Variants in ZNF74 observed in about 807,000 individuals in gnomAD.
ZNF74 encodes the protein zinc finger protein 74.
In ZNF74, 12 loss-of-function variants were observed where a neutral mutation model predicts 17.7. The ratio of observed to expected loss-of-function variants is 0.68; its 90% confidence interval spans 0.43 to 1.10. ZNF74 has a LOEUF of 1.10. Among genes scored for constraint, ZNF74 ranks in the 50% least tolerant of loss-of-function variants. The pLI is 0.00. For missense variants in ZNF74, 811 were observed against 881.0 expected (o/e 0.92, Z 1.01); for synonymous variants, 358 against 362.1 (o/e 0.99, Z 0.13).
chr22:20,406,161 A>C lies in ZNF74; in HGVS notation c.1128A>C (p.Thr376=), dbSNP rs2146102865. ...CCTTCAACCAGCGTACACACCTCAC[A>C]CGCCACCACCGCATCCACACGGGCG... ...GKAFNQRTHL[T]RHHRIHTGEK... Residue 376 remains threonine (T), a synonymous_variant, in exon 5 of 5, where the codon ACA becomes ACC. Transcript: ENST00000400451. The C allele has an allele frequency of 6.3e-7, 1 of 1,587,716 alleles. No homozygotes were observed. The highest frequency in any genetic ancestry group is 8.5e-7 in the Non-Finnish European group (1 of 1,170,360).
rs373644755 is a variant in ZNF74, at chr22:20,401,405, C to G, written c.343+33C>G. The G allele has an allele frequency of 5.0e-6, 7 of 1,406,242 alleles. No homozygotes were observed. The highest frequency in any genetic ancestry group is 6.9e-6 in the Non-Finnish European group (7 of 1,009,020). The allele number at this position is 1,406,242 out of a possible 1,614,324, so 87.1% of individuals were successfully genotyped here. ...GAGGCACAGGTGGAAGGGTGCCAGC[C>G]CCAGCACCCCTGGTGGCACCTCCTC... On this transcript the variant is annotated intron_variant, in intron 4 of 4. Coordinates refer to ENST00000400451, the MANE Select transcript of ZNF74 (RefSeq NM_003426.4). The surrounding 1 kb of genome is among the most constrained non-coding windows in gnomAD (Gnocchi z 4.2).
In ZNF74 at chr22:20,401,293, G is replaced by A. The variant is rs2052354358; in HGVS notation, c.264G>A (p.Lys88=). ...CACGAGCAGGACCTCCACTGCACAAGCCAGATGTGATCTCTCATCTGGAAC... is the reference window on the plus strand; with the variant it reads ...CACGAGCAGGACCTCCACTGCACAAACCAGATGTGATCTCTCATCTGGAAC... The part of the protein sequence containing the change: ...NLLALGPPLH[K]PDVISHLERG... The change falls in exon 4 of 5, where the codon AAG becomes AAA. Residue 88 remains lysine (K), a synonymous_variant. Transcript: ENST00000400451. This position sits in a 1 kb window ranked among gnomAD's most constrained non-coding sequence, Gnocchi z 4.2. 1.9e-6 allele frequency: 3 copies of A among 1,611,260 alleles called. No homozygotes were observed. The highest frequency in any genetic ancestry group is 4.5e-5 in the East Asian group (2 of 44,796).
intron 4 of ZNF74, among the ~76,000 whole-genome samples, chr22:20,402,578 G>T (rs1465421590): frequency 6.6e-6 from 1 of 152,068 alleles, no homozygotes; most frequent in Non-Finnish European, 1.5e-5. Flanking sequence ...GAGGCAGGCA[G>T]ATCACCTGAG....
chr22:20,394,561 A>G lies in ZNF74; in HGVS notation c.-68A>G, dbSNP rs1056106660. 1.3e-6 allele frequency: 2 copies of G among 1,567,488 alleles called. No individual in the cohort carries two copies. The highest frequency in any genetic ancestry group is 1.8e-6 in the Non-Finnish European group (2 of 1,138,434). On this transcript the variant is annotated 5_prime_UTR_variant, in exon 1 of 5. Coordinates refer to ENST00000400451, the MANE Select transcript of ZNF74 (RefSeq NM_003426.4). ...GCCCCAGGAGCAGTACTCGCTCTTC[A>G]GGGCCTGCCCTGGATCCTGGAGGCT...
rs926537241 is a variant in ZNF74 at position 20,407,364 on chromosome 22, C to A, written c.*396C>A. ...TTGAGCCCAGGAGTCTAGGACCAGC[C>A]TGGACAACATGGTGAGACCTCGTCT... is the stretch of plus-strand genomic sequence containing the variant. On this transcript the variant is annotated 3_prime_UTR_variant, in exon 5 of 5. Transcript: ENST00000400451. The A allele has an allele frequency of 4.8e-5, 9 of 189,150 alleles. No homozygotes were observed. Among genetic ancestry groups the A allele is most frequent in the African/African-American group, 1.7e-4 (7 of 42,350 alleles). The allele number at this position is 189,150 out of a possible 1,614,324, so 11.7% of individuals were successfully genotyped here. A position where few individuals can be genotyped will look rare whatever the true frequency, so the allele number is the denominator to read the frequency against.
At position 20,405,562 on chromosome 22, in the gene ZNF74, G is replaced by C; in HGVS notation, c.529G>C (p.Glu177Gln). The C allele has an allele frequency of 1.2e-6, 2 of 1,610,322 alleles. No homozygotes were observed. The highest frequency in any genetic ancestry group is 1.1e-5 in the South Asian group (1 of 90,738). The change falls in exon 5 of 5, where the codon GAG becomes CAG. Residue 177 changes from glutamate to glutamine, a missense_variant. Glu to Gln is a conservative substitution (Grantham distance 29). This residue lies in a region of ZNF74 where 666 missense variants were observed against 702.3 expected (regional missense o/e 0.95). Transcript: ENST00000400451. ...TGCCATGGTCTGGGACGTCCCTGTA[G>C]AGGAATTCCCCCTCAGGTGTCCCCT... ...APAMVWDVPV[E>Q]EFPLRCPLFA...
At position 20,405,664 on chromosome 22, in the gene ZNF74, A is replaced by G. The variant is rs1406800092; in HGVS notation, c.631A>G (p.Thr211Ala). 6.2e-7 allele frequency: 1 copy of G among 1,611,996 alleles called. No homozygotes were observed. The highest frequency in any genetic ancestry group is 1.7e-5 in the Admixed American group (1 of 59,780). ...RKNVQATEGR[T>A]KAPARLCAGE... is the part of the protein sequence containing the mutation. The stretch of plus-strand genomic sequence containing the variant: ...GAACGTCCAGGCCACTGAGGGCAGA[A>G]CCAAGGCCCCCGCGAGACTGTGTGC... The change falls in exon 5 of 5, where the codon ACC becomes GCC. Residue 211 changes from threonine to alanine, a missense_variant. Physicochemically the swap from Thr to Ala is moderately conservative, Grantham distance 58. Around this residue, in one of 3 missense-constraint regions of ZNF74, gnomAD observed 666 missense variants for 702.3 expected, o/e 0.95. Coordinates refer to ENST00000400451, the MANE Select transcript of ZNF74 (RefSeq NM_003426.4).
chr22:20,401,225 A>C lies in ZNF74; in HGVS notation c.248-52A>C, dbSNP rs2052353168. On this transcript the variant is annotated intron_variant, in intron 3 of 4. Transcript: ENST00000400451. The surrounding 1 kb of genome is among the most constrained non-coding windows in gnomAD (Gnocchi z 4.2). ...TGTTAGGGGGCGGCCTGTAAGGTCG[A>C]CTGGGCCTGGAGAGCTGCAGCATGC... is the stretch of plus-strand genomic sequence containing the variant. 2 of 1,314,002 alleles carry C rather than the reference A, an allele frequency of 1.5e-6. No homozygotes were observed. The highest frequency in any genetic ancestry group is 4.9e-5 in the East Asian group (2 of 41,172). The allele number at this position is 1,314,002 out of a possible 1,614,324, so 81.4% of individuals were successfully genotyped here. A position where few individuals can be genotyped will look rare whatever the true frequency, so the allele number is the denominator to read the frequency against.
intron 1 of ZNF74, 114 bp downstream of exon 1, chr22:20,394,776 T>TTA: frequency 4.0e-6 from 4 of 1,003,636 alleles, no homozygotes; most frequent in Non-Finnish European, 4.5e-6. Flanking sequence ...TTTTTTTTTT[T>TTA]AAATGGAATC....
chr22:20,397,317 T>C (rs1427490470), intron 2 of ZNF74, among the ~76,000 whole-genome samples: 2 of 152,124 alleles, frequency 1.3e-5, no homozygotes, highest in Non-Finnish European at 2.9e-5. Context: ...CAGTTAGGGG[T>C]GTGTTCTCAG....
At position 20,406,371 on chromosome 22, in the gene ZNF74, C is replaced by T. The variant is rs1052301418; in HGVS notation, c.1338C>T (p.Cys446=). The T allele has an allele frequency of 1.4e-5, 22 of 1,613,444 alleles. No individual in the cohort carries two copies. The highest frequency in any genetic ancestry group is 3.3e-5 in the South Asian group (3 of 91,068). ...ACACGGGCGAGAAGCCCTTCAAGTG[C>T]GCCGACTGCGGGAAGGGCTTCAGCT... ...RTHTGEKPFK[C]ADCGKGFSCH... is the part of the protein sequence containing the mutation. Residue 446 remains cysteine, a synonymous_variant, in exon 5 of 5, where the codon TGC becomes TGT. Coordinates refer to ENST00000400451, the MANE Select transcript of ZNF74 (RefSeq NM_003426.4).
Position 20,406,080 on chromosome 22 carries a change from G to A in ZNF74, c.1047G>A (p.Met349Ile). The A allele has an allele frequency of 1.2e-6, 2 of 1,612,760 alleles. No homozygotes were observed. The highest frequency in any genetic ancestry group is 1.7e-6 in the Non-Finnish European group (2 of 1,179,648). ...KAFSCSSLLS[M>I]HLRVHTGEKP... ...TCAGCTGCAGCTCGCTGCTCAGCAT[G>A]CACCTGCGGGTGCACACCGGCGAGA... Residue 349 changes from methionine to isoleucine, a missense_variant, in exon 5 of 5, where the codon ATG becomes ATA. This residue lies in a region of ZNF74 where 666 missense variants were observed against 702.3 expected (regional missense o/e 0.95). Transcript: ENST00000400451.
At chr22:20,400,848 T>TG in intron 3 of ZNF74, 90 bp downstream of exon 3, 4 of 1,451,966 alleles carry the variant, frequency 2.8e-6, no homozygotes, top group Non-Finnish European at 3.8e-6. Context: ...GTGCCGGCCC[T>TG]GGTGCCAGAT....
rs2052362075 is a variant in ZNF74, at chr22:20,401,864, G to A, written c.343+492G>A. ...AGTGTCAGGGCCATCATCAGCGTCA[G>A]GGTCAGAGTCAGCATCAGCATTAGG... On this transcript the variant is annotated intron_variant, in intron 4 of 4. Coordinates refer to ENST00000400451, the MANE Select transcript of ZNF74 (RefSeq NM_003426.4). The surrounding 1 kb of genome is among the most constrained non-coding windows in gnomAD (Gnocchi z 4.2). Among the ~76,000 whole-genome samples the A allele has an allele frequency of 6.6e-6, 1 of 152,144 alleles. No individual in the cohort carries two copies. The highest frequency in any genetic ancestry group is 1.5e-5 in the Non-Finnish European group (1 of 68,030).
chr22:20,407,344 C>T lies in ZNF74; in HGVS notation c.*376C>T, dbSNP rs981154439. On this transcript the variant is annotated 3_prime_UTR_variant, in exon 5 of 5. Transcript: ENST00000400451. ...GGCCAAGGCAAGGGGATCACTTGAGCCCAGGAGTCTAGGACCAGCCTGGAC... is the reference window on the plus strand; with the variant it reads ...GGCCAAGGCAAGGGGATCACTTGAGTCCAGGAGTCTAGGACCAGCCTGGAC... The T allele has an allele frequency of 4.1e-5, 9 of 219,718 alleles. No homozygotes were observed. The highest frequency in any genetic ancestry group is 1.0e-4 in the Admixed American group (2 of 19,196). The allele number at this position is 219,718 out of a possible 1,614,324, so 13.6% of individuals were successfully genotyped here.
At position 20,401,288 on chromosome 22, in the gene ZNF74, C is replaced by A; in HGVS notation, c.259C>A (p.His87Asn). The change falls in exon 4 of 5, where the codon CAC becomes AAC. Residue 87 changes from histidine to asparagine, a missense_variant. This residue lies in a region of ZNF74 where 666 missense variants were observed against 702.3 expected (regional missense o/e 0.95). Coordinates refer to ENST00000400451, the MANE Select transcript of ZNF74 (RefSeq NM_003426.4). The surrounding 1 kb of genome is among the most constrained non-coding windows in gnomAD (Gnocchi z 4.2). ...CTCTCCACGAGCAGGACCTCCACTG[C>A]ACAAGCCAGATGTGATCTCTCATCT... is the stretch of plus-strand genomic sequence containing the variant. ...QNLLALGPPL[H>N]KPDVISHLER... 2 of 1,611,212 alleles carry A rather than the reference C, an allele frequency of 1.2e-6. No homozygotes were observed. The highest frequency in any genetic ancestry group is 1.7e-6 in the Non-Finnish European group (2 of 1,178,662).
In ZNF74 at chr22:20,406,310, A is replaced by G; in HGVS notation, c.1277A>G (p.Asn426Ser). The G allele has an allele frequency of 2.5e-6, 4 of 1,609,454 alleles. No individual in the cohort carries two copies. Among genetic ancestry groups the G allele is most frequent in the South Asian group, 1.1e-5 (1 of 90,950 alleles). ...TGCAGCGACTGCGAGAAGGCCTTCA[A>G]CAGCCGCTCGCGCCTCACCCTCCAC... ...FKCSDCEKAF[N>S]SRSRLTLHQR... The change falls in exon 5 of 5, where the codon AAC (asparagine) becomes AGC (serine). Residue 426 changes from asparagine (N) to serine (S), a missense_variant. Coordinates refer to ENST00000400451, the MANE Select transcript of ZNF74 (RefSeq NM_003426.4).
intron 4 of ZNF74, among the ~76,000 whole-genome samples, chr22:20,402,618 A>G (rs967442456): frequency 1.3e-5 from 2 of 152,064 alleles, no homozygotes; most frequent in African/African-American, 4.8e-5. Flanking sequence ...CCTGACCAAC[A>G]TAGAGAAACC....
At chr22:20,399,730 G>T in intron 2 of ZNF74, 1 of 237,324 alleles carries the variant, frequency 4.2e-6, no homozygotes, top group Non-Finnish European at 8.5e-6. Flanking sequence ...TGGGATTATA[G>T]GCGTGAGCCA....
Sources: gnomAD v4.1 joint callset for allele counts (sites outside exome capture counted in the v4.1 genomes callset) on GRCh38, gnomAD v4.1.1 for gene constraint, gnomAD v4.1.1 regional missense constraint, Gnocchi (gnomAD v3.1) non-coding constraint, MANE v1.5 for transcripts, NCBI Gene and HGNC (gene_info 2026-07-23, HGNC 2026-07-21) for gene names.